RBFOX1: variants seen among roughly 807,000 people sequenced by gnomAD.
RBFOX1 encodes RNA binding protein fox-1 homolog 1.
RBFOX1 carries 8 observed loss-of-function variants against 57.7 expected under a neutral mutation model. The ratio of observed to expected loss-of-function variants is 0.14; its 90% CI spans 0.08 to 0.25. The LOEUF is 0.25. Among genes scored for constraint, RBFOX1 ranks in the 10% least tolerant of loss-of-function variants. The pLI, the probability that RBFOX1 is intolerant of heterozygous loss-of-function variation, is 1.00. For synonymous variants in RBFOX1, 326 were observed against 222.4 expected (o/e 1.47, Z -4.15); for missense variants, 611 against 548.5 (o/e 1.11, Z -1.14).
intron 1 of RBFOX1, among the ~76,000 whole-genome samples, chr16:6,169,951 T>G (rs758792096): frequency 6.6e-6 from 1 of 152,058 alleles, no homozygotes; most frequent in Admixed American, 6.6e-5. Flanking sequence ...TTTTTTTTAG[T>G]AGATAGGGTG....
intron 3 of RBFOX1, among the ~76,000 whole-genome samples, chr16:5,730,796 TACC>T (rs1307400719): frequency 1.3e-5 from 2 of 148,774 alleles, no homozygotes; most frequent in African/African-American, 2.5e-5. Flanking sequence ...TTAACACCAT[TACC>T]ACCAACATCA....
intron 4 of RBFOX1, among the ~76,000 whole-genome samples, chr16:7,513,753 G>A (rs1422339682): frequency 6.6e-6 from 1 of 152,214 alleles, no homozygotes; most frequent in Admixed American, 6.5e-5. Flanking sequence ...GGACCAGTGA[G>A]GAGAAGGGGC....
intron 3 of RBFOX1, among the ~76,000 whole-genome samples, chr16:6,796,601 T>G (rs1053717003): frequency 6.6e-6 from 1 of 152,210 alleles, no homozygotes; most frequent in African/African-American, 2.4e-5. Context: ...ATACCTATCC[T>G]AAACACTTTT....
intron 1 of RBFOX1, among the ~76,000 whole-genome samples, chr16:5,418,715 A>G (rs373894929): frequency 1.3e-4 from 19 of 151,628 alleles, no homozygotes; most frequent in African/African-American, 3.4e-4. Flanking sequence ...CCCTCTCCCA[A>G]TGTTCCTTCA....
chr16:6,927,018 C>T (rs1269041915), intron 3 of RBFOX1, among the ~76,000 whole-genome samples: 2 of 152,076 alleles, frequency 1.3e-5, no homozygotes, highest in Non-Finnish European at 2.9e-5. Context: ...ACTCAACCAG[C>T]GATTACTATT....
chr16:6,507,819 G>A (rs762284948), intron 2 of RBFOX1, among the ~76,000 whole-genome samples: 16 of 152,052 alleles, frequency 1.1e-4, no homozygotes, highest in Non-Finnish European at 1.9e-4. Flanking sequence ...GGGCTAGAAG[G>A]AGGGGGGAAT....
chr16:6,089,254 T>C (rs890454668), intron 1 of RBFOX1, among the ~76,000 whole-genome samples: 1 of 152,008 alleles, frequency 6.6e-6, no homozygotes, highest in Admixed American at 6.6e-5. Flanking sequence ...AGCAGGATAT[T>C]GAGGGAAGCT....
At chr16:7,430,530 C>T (rs1000229247) in intron 4 of RBFOX1, among the ~76,000 whole-genome samples, 2 of 152,170 alleles carry the variant, frequency 1.3e-5, no homozygotes, top group South Asian at 4.2e-4. Flanking sequence ...GCCGTGGTGG[C>T]ACGTGCCTGT....
rs116913989 is a variant in RBFOX1 at position 6,514,787 on chromosome 16, A to G, written c.-63-139816A>G. Among the ~76,000 whole-genome samples, 283 of 152,080 alleles carry G rather than the reference A, an allele frequency of 1.9e-3. 15 individuals carry two copies. In the East Asian group the frequency reaches 0.05, roughly 27 times the overall value. On this transcript the variant is annotated intron_variant, in intron 2 of 15. Coordinates refer to ENST00000550418, the MANE Select transcript of RBFOX1 (RefSeq NM_018723.4). ...GGAAGGGGTGGAGGAGAAAAAAGTG[A>G]TGGAGAAAAATGGTGTCTCCTGAAG... is the stretch of plus-strand genomic sequence containing the variant.
At chr16:5,908,095 T>TATATATATATACACAC (rs1567133450) in intron 4 of RBFOX1, among the ~76,000 whole-genome samples, 1 of 139,888 alleles carries the variant, frequency 7.1e-6, no homozygotes, top group African/African-American at 3.0e-5. Context: ...TACACATATA[T>TATATATATATACACAC]ACACATATAT....
At chr16:7,365,256 A>G (rs933734913) in intron 4 of RBFOX1, among the ~76,000 whole-genome samples, 15 of 152,324 alleles carry the variant, frequency 9.8e-5, no homozygotes, top group South Asian at 4.1e-4. Context: ...GATACACTCA[A>G]TGGGGTAATA....
intron 3 of RBFOX1, among the ~76,000 whole-genome samples, chr16:5,716,456 A>T (rs974208851): frequency 1.3e-5 from 2 of 152,222 alleles, no homozygotes; most frequent in Non-Finnish European, 2.9e-5. Context: ...CATGAAAAAA[A>T]CCTCAGCTTC....
intron 4 of RBFOX1, among the ~76,000 whole-genome samples, chr16:7,261,397 G>C (rs556625744): frequency 6.6e-6 from 1 of 152,306 alleles, no homozygotes; most frequent in South Asian, 2.1e-4. Context: ...TGTCCTCCAT[G>C]TGTTAACCTG....
At chr16:6,215,591 T>A (rs1017812672) in intron 1 of RBFOX1, among the ~76,000 whole-genome samples, 1 of 152,108 alleles carries the variant, frequency 6.6e-6, no homozygotes, top group African/African-American at 2.4e-5. Context: ...TTGAGAACAT[T>A]GCATTCCTTT....
intron 1 of RBFOX1, among the ~76,000 whole-genome samples, chr16:5,392,801 CT>C: frequency 6.6e-6 from 1 of 152,274 alleles, no homozygotes; most frequent in African/African-American, 2.4e-5. Context: ...ACACTCGCCC[CT>C]GACCCTGTGG....
At chr16:7,473,944 C>T (rs968614692) in intron 4 of RBFOX1, among the ~76,000 whole-genome samples, 1 of 152,266 alleles carries the variant, frequency 6.6e-6, no homozygotes, top group South Asian at 2.1e-4. Context: ...TACCTATTAA[C>T]TGGCAAGCAA....
rs151012008 is a variant in RBFOX1 at position 6,859,039 on chromosome 16, G to T, written c.-15-193018G>T. ...GTACCTGTTTATGTATAAGTGCCAG[G>T]ACTGAGGCTGGAAGGAGGAATTAAG... On this transcript the variant is annotated intron_variant, in intron 3 of 15. Coordinates refer to ENST00000550418, the MANE Select transcript of RBFOX1 (RefSeq NM_018723.4). Among the ~76,000 whole-genome samples, 999 of 148,996 alleles carry T rather than the reference G, an allele frequency of 6.7e-3. 17 individuals carry two copies. The highest frequency in any genetic ancestry group is 0.024 in the African/African-American group (944 of 40,090).
chr16:5,314,856 T>G (rs1426928622), intron 1 of RBFOX1, among the ~76,000 whole-genome samples: 1 of 148,120 alleles, frequency 6.8e-6, no homozygotes, highest in Non-Finnish European at 1.5e-5. Context: ...AACTTTCAGG[T>G]CAAAGAAAAA....
chr16:6,654,536 T>C, intron 2 of RBFOX1, 67 bp from the exon 3 acceptor site: 1 of 1,271,200 alleles, frequency 7.9e-7, no homozygotes, highest in Non-Finnish European at 1.1e-6. Context: ...CACCACTGAA[T>C]GTTCTCTGAC....
Sources: gnomAD v4.1 joint callset for allele counts (sites outside exome capture counted in the v4.1 genomes callset) on GRCh38, gnomAD v4.1.1 for gene constraint, MANE v1.5 for transcripts, NCBI Gene and HGNC (gene_info 2026-07-23, HGNC 2026-07-21) for gene names.